ATXN2L: variants seen among roughly 807,000 people sequenced by gnomAD.
The protein encoded by ATXN2L is ataxin-2-like protein.
A neutral mutation model predicts 120.7 loss-of-function variants in ATXN2L; 24 were observed. That is an observed-to-expected ratio of 0.20 (90% CI 0.14 to 0.28). The LOEUF (loss-of-function observed/expected upper bound fraction) is 0.28. Ranked by LOEUF, ATXN2L falls within the 10% of genes least tolerant of loss-of-function variation. ATXN2L has a pLI of 1.00. For missense variants in ATXN2L, 1,312 were observed against 1,432.3 expected (o/e 0.92, Z 1.36); for synonymous variants, 653 against 568.1 (o/e 1.15, Z -2.13).
intron 5 of ATXN2L, chr16:28,826,617 G>A: frequency 1.7e-6 from 1 of 590,276 alleles, no homozygotes; most frequent in Non-Finnish European, 2.8e-6. Context: ...CTGTGTTGTG[G>A]TTCTTCATAT....
At chr16:28,834,814 G>C (rs1410663614) in intron 18 of ATXN2L, 121 bp downstream of exon 18, 5 of 1,288,224 alleles carry the variant, frequency 3.9e-6, no homozygotes, top group East Asian at 5.0e-5. Flanking sequence ...TCGGCCCTCT[G>C]TGGTATTGGC....
At chr16:28,830,347 G>A (rs761627375) in intron 8 of ATXN2L, among the ~76,000 whole-genome samples, 1 of 152,206 alleles carries the variant, frequency 6.6e-6, no homozygotes, top group African/African-American at 2.4e-5. Flanking sequence ...GAACTACGGT[G>A]TGATCCTACT....
chr16:28,826,145 A>G, intron 4 of ATXN2L, 95 bp from the exon 5 acceptor site: 1 of 1,486,204 alleles, frequency 6.7e-7, no homozygotes, highest in East Asian at 2.3e-5. Flanking sequence ...GAAGGGTAAG[A>G]GAAATCCAGT....
intron 6 of ATXN2L, among the ~76,000 whole-genome samples, chr16:28,828,783 C>G (rs1271519557): frequency 3.9e-5 from 6 of 151,990 alleles, no homozygotes; most frequent in African/African-American, 2.4e-5. Context: ...GGGTCTCACT[C>G]TGTCACTCAG....
At position 28,823,504 on chromosome 16, in the gene ATXN2L, C is replaced by T. The variant is rs1015795160; in HGVS notation, c.245C>T (p.Pro82Leu). 7.2e-7 allele frequency: 1 copy of T among 1,385,946 alleles called. No homozygotes were observed. Among genetic ancestry groups the T allele is most frequent in the Non-Finnish European group, 9.3e-7 (1 of 1,072,336 alleles). 85.9% of individuals were successfully genotyped at this position (1,385,946 alleles called of 1,614,324 possible). Residue 82 changes from proline to leucine, a missense_variant, in exon 1 of 22, where the codon CCG becomes CTG. Pro to Leu is a moderately conservative substitution (Grantham distance 98). Transcript: ENST00000336783. ...GAEGILAPQPPPPQQHQERPG... is the reference protein window; with the variant it reads ...GAEGILAPQPLPPQQHQERPG... ...GAAGGCATCTTGGCGCCGCAGCCGC[C>T]GCCGCCGCAGCAACACCAGGAGAGG... is the stretch of plus-strand genomic sequence containing the variant.
At chr16:28,827,590 G>T (rs1344344956) in intron 6 of ATXN2L, among the ~76,000 whole-genome samples, 2 of 150,452 alleles carry the variant, frequency 1.3e-5, no homozygotes, top group Non-Finnish European at 3.0e-5. Flanking sequence ...AATCTCATGA[G>T]GCTGAGCGCA....
intron 4 of ATXN2L, 60 bp from the exon 5 acceptor site, chr16:28,826,165 GAGAAATCCAGTTCTA>G: frequency 6.4e-7 from 1 of 1,560,158 alleles, no homozygotes. Context: ...TTCTATTTAA[GAGAAATCCAGTTCTA>G]TTTTTGCCTT....
intron 1 of ATXN2L, 115 bp downstream of exon 1, chr16:28,823,673 C>T (rs1205382060): frequency 5.6e-6 from 6 of 1,075,418 alleles, no homozygotes; most frequent in Non-Finnish European, 7.1e-6. Context: ...GGTGGGGAGT[C>T]CCCGTGAAGC....
chr16:28,831,949 G>A (rs1285642018), intron 10 of ATXN2L, among the ~76,000 whole-genome samples: 1 of 152,170 alleles, frequency 6.6e-6, no homozygotes, highest in East Asian at 1.9e-4. Context: ...AGGAAATTCT[G>A]TCAACTGAGC....
rs542573091 is a variant in ATXN2L at position 28,823,818 on chromosome 16, G to A, written c.299+260G>A. The A allele has an allele frequency of 1.1e-4, 44 of 384,740 alleles. No homozygotes were observed. In the East Asian group the frequency reaches 1.7e-3, roughly 15 times the overall value. 23.8% of individuals were successfully genotyped at this position (384,740 alleles called of 1,614,324 possible). On this transcript the variant is annotated intron_variant, in intron 1 of 21. Transcript: ENST00000336783. Reference sequence around the variant, plus strand: ...AGCCCCGGCCTTCAGGGGAGGCGGGGCGCATCCCGCCGGCGCCGTCGGAAC... The same window carrying A: ...AGCCCCGGCCTTCAGGGGAGGCGGGACGCATCCCGCCGGCGCCGTCGGAAC...
At chr16:28,830,926 A>G (rs2054148094) in intron 9 of ATXN2L, 36 bp from the exon 10 acceptor site, 3 of 1,400,098 alleles carry the variant, frequency 2.1e-6, no homozygotes, top group East Asian at 4.8e-5. Flanking sequence ...GCCTCCTGAC[A>G]TTTTCTTCTC....
chr16:28,825,272 T>G lies in ATXN2L; in HGVS notation c.300-94T>G. 2.6e-6 allele frequency: 3 copies of G among 1,157,128 alleles called. No individual in the cohort carries two copies. In the South Asian group the frequency reaches 3.9e-5, roughly 15 times the overall value. 71.7% of individuals were successfully genotyped at this position (1,157,128 alleles called of 1,614,324 possible). On this transcript the variant is annotated intron_variant, in intron 1 of 21. Coordinates refer to ENST00000336783, the MANE Select transcript of ATXN2L (RefSeq NM_007245.4). ...AATTTTGTAGTCTAAATCAGCATCATCAGGTGGTATATACTTCTAGGATTT... is the reference window on the plus strand; with the variant it reads ...AATTTTGTAGTCTAAATCAGCATCAGCAGGTGGTATATACTTCTAGGATTT...
Position 28,823,200 on chromosome 16 carries a change from C to G in ATXN2L, c.-60C>G. The G allele has an allele frequency of 8.4e-7, 1 of 1,193,498 alleles. No homozygotes were observed. The highest frequency in any genetic ancestry group is 1.1e-6 in the Non-Finnish European group (1 of 928,856). 73.9% of individuals were successfully genotyped at this position (1,193,498 alleles called of 1,614,324 possible). A position where few individuals can be genotyped will look rare whatever the true frequency, so the allele number is the denominator to read the frequency against. ...GCTTCCCGCGCTCTCCAGCGGGGCC[C>G]CAGCCCCGGCCCCCTCTCTCCCTCC... On this transcript the variant is annotated 5_prime_UTR_variant, in exon 1 of 22. Coordinates refer to ENST00000336783, the MANE Select transcript of ATXN2L (RefSeq NM_007245.4).
chr16:28,826,439 CAG>C (rs1352312296), intron 5 of ATXN2L, 49 bp downstream of exon 5: 1 of 1,581,810 alleles, frequency 6.3e-7, no homozygotes, highest in African/African-American at 1.3e-5. Context: ...GCATAGAGGA[CAG>C]AGGGTAGTTT....
In ATXN2L at chr16:28,831,039, TCTGGAGAAA is replaced by T; in HGVS notation, c.1291_1299del (p.Gly431_Thr433del). 6.2e-7 allele frequency: 1 copy of T among 1,611,640 alleles called. No individual in the cohort carries two copies. The highest frequency in any genetic ancestry group is 8.5e-7 in the Non-Finnish European group (1 of 1,179,366). ...TCTGTCTTCGCCCAGTAATAGGCCT[TCTGGAGAAA>T]CTTCTGTTCCACCTCCTCCTGCAGG... is the stretch of plus-strand genomic sequence containing the variant. On this transcript the variant is annotated inframe_deletion, in exon 10 of 22. Coordinates refer to ENST00000336783, the MANE Select transcript of ATXN2L (RefSeq NM_007245.4).
chr16:28,826,191 C>A, intron 4 of ATXN2L, 49 bp from the exon 5 acceptor site: 1 of 1,599,698 alleles, frequency 6.3e-7, no homozygotes, highest in East Asian at 2.2e-5. Context: ...TTTTTGCCTT[C>A]ACTTTTCTTG....
Position 28,836,602 on chromosome 16 carries a change from C to A in ATXN2L, c.*337C>A. The A allele has an allele frequency of 6.3e-7, 1 of 1,582,480 alleles. No homozygotes were observed. The highest frequency in any genetic ancestry group is 8.6e-7 in the Non-Finnish European group (1 of 1,166,958). ...ATTGACCTGTGCTTCTGACAGCCCC[C>A]GAGACACCTTGAGGAGGCCGCTCCT... On this transcript the variant is annotated 3_prime_UTR_variant, in exon 22 of 22. Coordinates refer to ENST00000336783, the MANE Select transcript of ATXN2L (RefSeq NM_007245.4).
At chr16:28,824,109 A>C (rs911042090) in intron 1 of ATXN2L, 35 of 1,013,158 alleles carry the variant, frequency 3.5e-5, no homozygotes, top group Non-Finnish European at 4.1e-5. Context: ...GACTGGGAGG[A>C]CTGCGGGCCG....
chr16:28,836,891 G>A lies in ATXN2L; in HGVS notation c.*626G>A. ...CCCCCCATCCCCCCGTTCCCCAGGG[G>A]AGCTGGGGAATTCCTGCCAAGCACC... is the stretch of plus-strand genomic sequence containing the variant. On this transcript the variant is annotated 3_prime_UTR_variant, in exon 22 of 22. Coordinates refer to ENST00000336783, the MANE Select transcript of ATXN2L (RefSeq NM_007245.4). The A allele has an allele frequency of 8.7e-7, 1 of 1,147,484 alleles. No homozygotes were observed. 71.1% of individuals were successfully genotyped at this position (1,147,484 alleles called of 1,614,324 possible). A position where few individuals can be genotyped will look rare whatever the true frequency, so the allele number is the denominator to read the frequency against.
Sources: allele counts gnomAD v4.1 joint callset (sites outside exome capture counted in the v4.1 genomes callset), GRCh38; gene constraint gnomAD v4.1.1; transcripts MANE v1.5; gene names NCBI Gene and HGNC (gene_info 2026-07-23, HGNC 2026-07-21).